RBMS1: variants seen among roughly 807,000 people sequenced by gnomAD.
RBMS1 encodes the protein RNA binding motif single stranded interacting protein 1, also known as RNA-binding motif, single-stranded-interacting protein 1.
RBMS1 carries 17 observed loss-of-function variants against 62.3 expected under a neutral mutation model. The observed-to-expected ratio is 0.27, with a 90% confidence interval of 0.19 to 0.41. The LOEUF is 0.41. Ranked by LOEUF, RBMS1 falls within the 10% of genes least tolerant of loss-of-function variation. The probability of loss-of-function intolerance (pLI) is 1.00; values close to 1 mark genes in which losing one functional copy is unlikely to be tolerated. For missense variants in RBMS1, 334 were observed against 504.5 expected, an observed-to-expected ratio of 0.66 and a Z score of 3.24; for synonymous variants, 172 against 170.0, an observed-to-expected ratio of 1.01 and a Z score of -0.09.
chr2:160,289,533 T>C (rs1412977119), intron 6 of RBMS1, among the ~76,000 whole-genome samples: 4 of 152,210 alleles, frequency 2.6e-5, no homozygotes, highest in East Asian at 1.9e-4. Flanking sequence ...TATTTAACCA[T>C]CAAAATTTTA....
chr2:160,296,559 C>T (rs1324237348), intron 6 of RBMS1, among the ~76,000 whole-genome samples: 1 of 152,222 alleles, frequency 6.6e-6, no homozygotes, highest in Admixed American at 6.5e-5. Flanking sequence ...TATACGTGCA[C>T]AGCCTTGGAG....
At chr2:160,330,916 G>A (rs1223284321) in intron 2 of RBMS1, among the ~76,000 whole-genome samples, 1 of 152,174 alleles carries the variant, frequency 6.6e-6, no homozygotes, top group Non-Finnish European at 1.5e-5. Flanking sequence ...CTAATCCAGT[G>A]TGACTATTGT....
chr2:160,286,881 T>A, intron 7 of RBMS1, 88 bp downstream of exon 7: 1 of 1,594,788 alleles, frequency 6.3e-7, no homozygotes, highest in Non-Finnish European at 8.5e-7. Context: ...TGCAGCCAAG[T>A]CAAGATGCCT....
At chr2:160,475,505 T>C (rs1685087264) in intron 1 of RBMS1, among the ~76,000 whole-genome samples, 2 of 152,232 alleles carry the variant, frequency 1.3e-5, no homozygotes, top group African/African-American at 2.4e-5. Context: ...TCCCACCCTT[T>C]GCTCTTTCAG....
intron 2 of RBMS1, among the ~76,000 whole-genome samples, chr2:160,353,093 G>T (rs571588164): frequency 1.4e-4 from 22 of 152,152 alleles, no homozygotes; most frequent in Admixed American, 3.9e-4. Flanking sequence ...AATTAGGTAT[G>T]TTACTGATAC....
At chr2:160,324,555 A>G (rs928627235) in intron 2 of RBMS1, among the ~76,000 whole-genome samples, 4 of 152,120 alleles carry the variant, frequency 2.6e-5, no homozygotes, top group Non-Finnish European at 5.9e-5. Context: ...TGATATGTAT[A>G]AACAAAAAAG....
intron 6 of RBMS1, among the ~76,000 whole-genome samples, chr2:160,292,350 T>C (rs577133110): frequency 6.6e-6 from 1 of 152,230 alleles, no homozygotes; most frequent in Non-Finnish European, 1.5e-5. Context: ...GAAGAGCTAG[T>C]GTTCTTAACT....
At chr2:160,336,694 T>C (rs2105989568) in intron 2 of RBMS1, among the ~76,000 whole-genome samples, 1 of 152,304 alleles carries the variant, frequency 6.6e-6, no homozygotes, top group East Asian at 1.9e-4. Flanking sequence ...ATGTTTGACT[T>C]TTTTTTCCTA....
At chr2:160,378,617 TAAA>T (rs143464660) in intron 1 of RBMS1, among the ~76,000 whole-genome samples, 1 of 124,098 alleles carries the variant, frequency 8.1e-6, no homozygotes. Context: ...ACTCTATCTA[TAAA>T]AAAAAAAAAA....
intron 4 of RBMS1, among the ~76,000 whole-genome samples, chr2:160,305,198 G>C (rs1689435272): frequency 6.6e-6 from 1 of 152,156 alleles, no homozygotes; most frequent in African/African-American, 2.4e-5. Context: ...TAAGTATACA[G>C]TGTTTATAAA....
intron 1 of RBMS1, among the ~76,000 whole-genome samples, chr2:160,426,943 C>T (rs1682658997): frequency 6.6e-6 from 1 of 152,192 alleles, no homozygotes; most frequent in Admixed American, 6.5e-5. Context: ...AAGCCTAGCT[C>T]CTTTTTTGTT....
At chr2:160,286,843 T>C in intron 7 of RBMS1, 126 bp downstream of exon 7, 2 of 1,526,680 alleles carry the variant, frequency 1.3e-6, no homozygotes, top group East Asian at 2.3e-5. Context: ...GAAAGGAAGA[T>C]TTAATCCTGG....
chr2:160,449,504 T>C (rs1452320479), intron 1 of RBMS1, among the ~76,000 whole-genome samples: 2 of 152,240 alleles, frequency 1.3e-5, no homozygotes, highest in Non-Finnish European at 2.9e-5. Context: ...TGCCTTGGGA[T>C]GCTGTTAATC....
In RBMS1 at chr2:160,306,076, T is replaced by C. The variant is rs774047194; in HGVS notation, c.403-2589A>G. Among the ~76,000 whole-genome samples, 237 of 152,130 alleles carry C rather than the reference T, an allele frequency of 1.6e-3. 3 individuals carry two copies. The highest frequency in any genetic ancestry group is 3.4e-4 in the Non-Finnish European group (23 of 67,988). ...CCCAGGAGTTCAAGGTTGTAATGAG[T>C]TGTGATCATGCTACTGCATTCCAGC... is the stretch of plus-strand genomic sequence containing the variant. On this transcript the variant is annotated intron_variant, in intron 4 of 13. Transcript: ENST00000348849.
At chr2:160,419,156 A>T (rs1191808689) in intron 1 of RBMS1, among the ~76,000 whole-genome samples, 2 of 152,208 alleles carry the variant, frequency 1.3e-5, no homozygotes, top group Non-Finnish European at 1.5e-5. Context: ...ATTAAAGAAT[A>T]TCATGCTAAA....
At chr2:160,341,508 G>A (rs1691873783) in intron 2 of RBMS1, among the ~76,000 whole-genome samples, 1 of 152,092 alleles carries the variant, frequency 6.6e-6, no homozygotes, top group Non-Finnish European at 1.5e-5. Flanking sequence ...GCCCAAAAGG[G>A]GAAGGGGAAT....
chr2:160,321,208 C>A (rs897206589), intron 2 of RBMS1, among the ~76,000 whole-genome samples: 1 of 152,134 alleles, frequency 6.6e-6, no homozygotes, highest in Non-Finnish European at 1.5e-5. Context: ...CCATGCCACA[C>A]CCTCTCTCAG....
intron 2 of RBMS1, among the ~76,000 whole-genome samples, chr2:160,335,750 A>T (rs1559401084): frequency 6.6e-6 from 1 of 152,154 alleles, no homozygotes; most frequent in Non-Finnish European, 1.5e-5. Context: ...ACTACATGTA[A>T]TGTTAACTGT....
intron 1 of RBMS1, among the ~76,000 whole-genome samples, chr2:160,475,614 C>A (rs1685090977): frequency 6.6e-6 from 1 of 152,162 alleles, no homozygotes; most frequent in South Asian, 2.1e-4. Flanking sequence ...TGTAAACATT[C>A]CTTAAATACC....
Sources: allele counts gnomAD v4.1 joint callset (sites outside exome capture counted in the v4.1 genomes callset), GRCh38; gene constraint gnomAD v4.1.1; transcripts MANE v1.5; gene names NCBI Gene and HGNC (gene_info 2026-07-23, HGNC 2026-07-21).